The following CTNND2 variants were observed in gnomAD, a reference collection of about 807,000 sequenced individuals.
CTNND2 encodes the protein catenin delta-2.
Under a neutral mutation model 144.4 loss-of-function variants are expected in CTNND2, and 22 were observed. The ratio of observed to expected loss-of-function variants is 0.15; its 90% CI spans 0.11 to 0.22. The LOEUF is 0.22. Among genes scored for constraint, CTNND2 ranks in the 10% least tolerant of loss-of-function variants. CTNND2 has a pLI of 1.00. For synonymous variants in CTNND2, 751 were observed against 695.6 expected, an observed-to-expected ratio of 1.08 and a Z score of -1.25; for missense variants, 1,353 against 1,618.8, an observed-to-expected ratio of 0.84 and a Z score of 2.82.
chr5:10,994,740 A>G (rs1459884721), intron 18 of CTNND2, among the ~76,000 whole-genome samples: 2 of 152,128 alleles, frequency 1.3e-5, no homozygotes, highest in African/African-American at 2.4e-5. Context: ...GGGGCCAGGA[A>G]GACAGGAAAG....
intron 11 of CTNND2, among the ~76,000 whole-genome samples, chr5:11,181,161 T>A (rs1580510855): frequency 6.6e-6 from 1 of 151,370 alleles, no homozygotes; most frequent in South Asian, 2.1e-4. Flanking sequence ...ATGACTGGAG[T>A]GGGAGCCATT....
chr5:11,884,741 A>T (rs1659372454), intron 1 of CTNND2, among the ~76,000 whole-genome samples: 1 of 152,080 alleles, frequency 6.6e-6, no homozygotes, highest in African/African-American at 2.4e-5. Context: ...CTTACTCCAG[A>T]TATTAAATAA....
intron 9 of CTNND2, among the ~76,000 whole-genome samples, chr5:11,277,888 CT>C (rs1330869081): frequency 6.6e-5 from 10 of 152,118 alleles, no homozygotes; most frequent in African/African-American, 2.4e-4. Context: ...GTGCACTTCC[CT>C]TTCCAGACAC....
At chr5:11,532,653 T>C (rs1773848669) in intron 3 of CTNND2, among the ~76,000 whole-genome samples, 4 of 152,102 alleles carry the variant, frequency 2.6e-5, no homozygotes, top group Admixed American at 2.6e-4. Context: ...AAGAAAACTG[T>C]GGAAAAAATA....
chr5:11,274,581 T>A (rs1328020892), intron 9 of CTNND2, among the ~76,000 whole-genome samples: 1 of 104,572 alleles, frequency 9.6e-6, no homozygotes. Flanking sequence ...TTGCTTTCGT[T>A]TTTTTTTTTT....
intron 3 of CTNND2, among the ~76,000 whole-genome samples, chr5:11,555,802 A>G (rs552657111): frequency 6.6e-6 from 1 of 152,300 alleles, no homozygotes; most frequent in African/African-American, 2.4e-5. Flanking sequence ...AATATTTGTG[A>G]GGGAAGGTTC....
intron 12 of CTNND2, among the ~76,000 whole-genome samples, chr5:11,131,314 T>C (rs1377804479): frequency 2.0e-5 from 3 of 152,166 alleles, no homozygotes; most frequent in Non-Finnish European, 2.9e-5. Flanking sequence ...TAATGAGCAA[T>C]ACCAATGTGA....
Position 11,385,152 on chromosome 5 carries a change from G to C in CTNND2, c.690C>G (p.Phe230Leu). Residue 230 changes from phenylalanine to leucine, a missense_variant, in exon 7 of 22, where the codon TTC becomes TTG. Phe to Leu is a conservative substitution (Grantham distance 22, BLOSUM62 0). Transcript: ENST00000304623. ...GGAAGGCGCTGCCCAGGCTGGGCGC[G>C]AACGGCTCCCGCGGCGGCGGCGGCG... is the stretch of plus-strand genomic sequence containing the variant. Reference protein sequence around the residue: ...PPPPPPPREPFAPSLGSAFHL... With the variant: ...PPPPPPPREPLAPSLGSAFHL... The C allele has an allele frequency of 9.9e-7, 1 of 1,006,890 alleles. No individual in the cohort carries two copies. Among genetic ancestry groups the C allele is most frequent in the Non-Finnish European group, 1.2e-6 (1 of 846,588 alleles). The allele number at this position is 1,006,890 out of a possible 1,614,324, so 62.4% of individuals were successfully genotyped here.
intron 10 of CTNND2, among the ~76,000 whole-genome samples, chr5:11,228,382 A>G (rs959168646): frequency 3.4e-5 from 5 of 148,674 alleles, no homozygotes; most frequent in Non-Finnish European, 4.5e-5. Flanking sequence ...AAAAAAAACA[A>G]AGAATGTGAA....
intron 3 of CTNND2, among the ~76,000 whole-genome samples, chr5:11,561,867 C>A (rs928141437): frequency 2.0e-5 from 3 of 152,060 alleles, no homozygotes; most frequent in Admixed American, 1.3e-4. Flanking sequence ...CATGGTGAAA[C>A]CCTGTCTCTA....
intron 2 of CTNND2, among the ~76,000 whole-genome samples, chr5:11,606,874 C>T (rs1026687222): frequency 6.6e-6 from 1 of 152,100 alleles, no homozygotes; most frequent in African/African-American, 2.4e-5. Context: ...GTATTCCCTC[C>T]AGAACATATG....
At chr5:11,436,965 A>C (rs1009729131) in intron 3 of CTNND2, among the ~76,000 whole-genome samples, 1 of 152,198 alleles carries the variant, frequency 6.6e-6, no homozygotes, top group Non-Finnish European at 1.5e-5. Context: ...ACTAAATCTA[A>C]GTATGCTAAA....
intron 1 of CTNND2, among the ~76,000 whole-genome samples, chr5:11,749,771 T>G (rs1788509649): frequency 6.6e-6 from 1 of 152,004 alleles, no homozygotes; most frequent in African/African-American, 2.4e-5. Flanking sequence ...AAAATAAGTA[T>G]AAAATAATAG....
At chr5:11,766,546 G>A (rs536405529) in intron 1 of CTNND2, among the ~76,000 whole-genome samples, 18 of 152,256 alleles carry the variant, frequency 1.2e-4, no homozygotes, top group East Asian at 9.7e-4. Flanking sequence ...GCCTTCTGCC[G>A]TGATTGTGAG....
At chr5:11,050,670 G>C (rs1357172361) in intron 16 of CTNND2, among the ~76,000 whole-genome samples, 2 of 152,190 alleles carry the variant, frequency 1.3e-5, no homozygotes, top group African/African-American at 4.8e-5. Flanking sequence ...CTCCTTACCT[G>C]TAATAAGCAA....
chr5:11,352,807 C>T (rs979637987), intron 8 of CTNND2, among the ~76,000 whole-genome samples: 1 of 152,122 alleles, frequency 6.6e-6, no homozygotes, highest in Admixed American at 6.5e-5. Flanking sequence ...ATAGCTACTA[C>T]TATTTCTAAG....
intron 2 of CTNND2, among the ~76,000 whole-genome samples, chr5:11,648,452 C>T (rs1782475337): frequency 6.6e-6 from 1 of 152,132 alleles, no homozygotes; most frequent in Non-Finnish European, 1.5e-5. Context: ...ATCCATTCTT[C>T]AGGGAAGAGG....
chr5:11,616,668 G>A (rs1295443059), intron 2 of CTNND2, among the ~76,000 whole-genome samples: 7 of 149,662 alleles, frequency 4.7e-5, no homozygotes, highest in African/African-American at 7.4e-5. Flanking sequence ...AGTGAGTGGC[G>A]TGATCTTGGC....
chr5:11,480,332 G>C (rs1768126376), intron 3 of CTNND2, among the ~76,000 whole-genome samples: 1 of 152,092 alleles, frequency 6.6e-6, no homozygotes, highest in African/African-American at 2.4e-5. Flanking sequence ...AATGCCACTT[G>C]GAGCAGCCTT....
Sources: allele counts gnomAD v4.1 joint callset (sites outside exome capture counted in the v4.1 genomes callset), GRCh38; gene constraint gnomAD v4.1.1; transcripts MANE v1.5; gene names NCBI Gene and HGNC (gene_info 2026-07-23, HGNC 2026-07-21).